Variants in PTPRR observed in about 807,000 individuals in gnomAD.
The protein encoded by PTPRR is protein tyrosine phosphatase receptor type R, also known as receptor-type tyrosine-protein phosphatase R.
Under a neutral mutation model 77.2 loss-of-function variants are expected in PTPRR, and 38 were observed. That is an observed-to-expected ratio of 0.49 (90% CI 0.38 to 0.65). The LOEUF (loss-of-function observed/expected upper bound fraction) is 0.65, where lower values mean the gene tolerates loss of function less well. Ranked by LOEUF, PTPRR falls within the 30% of genes least tolerant of loss-of-function variation. The pLI is 0.00. For synonymous variants in PTPRR, 299 were observed against 283.1 expected (o/e 1.06, Z -0.57); for missense variants, 744 against 799.2 (o/e 0.93, Z 0.83).
intron 2 of PTPRR, among the ~76,000 whole-genome samples, chr12:70,869,434 CA>C (rs1892923119): frequency 6.6e-6 from 1 of 152,048 alleles, no homozygotes; most frequent in Admixed American, 6.6e-5. Flanking sequence ...CTGAGTTGCC[CA>C]AAGTGGGACA....
chr12:70,650,061 A>G (rs1158134758), intron 13 of PTPRR, among the ~76,000 whole-genome samples: 1 of 152,238 alleles, frequency 6.6e-6, no homozygotes, highest in East Asian at 1.9e-4. Flanking sequence ...CTTAAATAAA[A>G]TTAAAGGAGT....
intron 2 of PTPRR, among the ~76,000 whole-genome samples, chr12:70,885,534 AT>A (rs34620002): frequency 0.011 from 1,492 of 136,992 alleles, 13 homozygotes; most frequent in Middle Eastern, 0.019. Context: ...ACAGTTAAGG[AT>A]TTTTTTTTTT....
chr12:70,740,708 G>C (rs183350436), intron 6 of PTPRR, among the ~76,000 whole-genome samples: 1 of 152,032 alleles, frequency 6.6e-6, no homozygotes, highest in Admixed American at 6.6e-5. Flanking sequence ...CCCAATCAGG[G>C]ATGAGAAATT....
At position 70,744,535 on chromosome 12, in the gene PTPRR, A is replaced by C. The variant is rs115970120; in HGVS notation, c.1007+1283T>G. Among the ~76,000 whole-genome samples the C allele has an allele frequency of 2.2e-3, 328 of 152,306 alleles. 1 individual carries two copies. The highest frequency in any genetic ancestry group is 7.6e-3 in the African/African-American group (316 of 41,582). Reference sequence around the variant, plus strand: ...ACATTCCTTTATTTTTATGTCATCCATTGTTCCTTGGCAATACTTTCAAAT... The same window carrying C: ...ACATTCCTTTATTTTTATGTCATCCCTTGTTCCTTGGCAATACTTTCAAAT... On this transcript the variant is annotated intron_variant, in intron 6 of 13. Transcript: ENST00000283228.
chr12:70,783,669 G>A (rs921955053), intron 2 of PTPRR, among the ~76,000 whole-genome samples: 3 of 152,116 alleles, frequency 2.0e-5, no homozygotes, highest in South Asian at 2.1e-4. Context: ...TGGCGGCCCC[G>A]GACCCCAGGC....
At chr12:70,719,748 G>A (rs753703459) in intron 6 of PTPRR, among the ~76,000 whole-genome samples, 2 of 152,150 alleles carry the variant, frequency 1.3e-5, no homozygotes, top group Non-Finnish European at 2.9e-5. Flanking sequence ...CACAGTGACT[G>A]CGCGTCTTCT....
chr12:70,919,602 T>G (rs763344248), intron 1 of PTPRR, among the ~76,000 whole-genome samples: 4 of 151,862 alleles, frequency 2.6e-5, no homozygotes, highest in Admixed American at 6.6e-5. Context: ...CTGTTACTCT[T>G]GGTTACACCT....
intron 10 of PTPRR, among the ~76,000 whole-genome samples, chr12:70,665,980 A>T (rs369738794): frequency 6.6e-6 from 1 of 152,264 alleles, no homozygotes; most frequent in African/African-American, 2.4e-5. Flanking sequence ...AGGTTGTCTA[A>T]AATTATTATT....
chr12:70,666,215 C>A (rs1337242639), intron 10 of PTPRR, among the ~76,000 whole-genome samples: 3 of 152,106 alleles, frequency 2.0e-5, no homozygotes, highest in African/African-American at 7.2e-5. Flanking sequence ...CTAGAATTTT[C>A]CAAGAAAATA....
intron 8 of PTPRR, among the ~76,000 whole-genome samples, chr12:70,697,576 A>AT (rs1252673832): frequency 2.0e-5 from 3 of 151,026 alleles, no homozygotes; most frequent in Non-Finnish European, 3.0e-5. Context: ...ATGAAGTTCA[A>AT]TTTTTTTTTG....
intron 2 of PTPRR, among the ~76,000 whole-genome samples, chr12:70,860,522 C>G (rs1892734043): frequency 6.6e-6 from 1 of 152,064 alleles, no homozygotes; most frequent in Admixed American, 6.6e-5. Context: ...ATGAAATAAA[C>G]TTTTGCTAGG....
At chr12:70,740,005 A>G (rs1233328772) in intron 6 of PTPRR, among the ~76,000 whole-genome samples, 1 of 152,164 alleles carries the variant, frequency 6.6e-6, no homozygotes, top group African/African-American at 2.4e-5. Context: ...GCCCAACAAG[A>G]TGGTCTATGC....
chr12:70,762,918 G>A (rs1404054019), intron 3 of PTPRR, among the ~76,000 whole-genome samples: 1 of 152,086 alleles, frequency 6.6e-6, no homozygotes. Flanking sequence ...GATATGATAA[G>A]CATATTCCTT....
chr12:70,828,281 C>A (rs1830691692), intron 2 of PTPRR, among the ~76,000 whole-genome samples: 2 of 152,194 alleles, frequency 1.3e-5, no homozygotes, highest in Non-Finnish European at 2.9e-5. Flanking sequence ...GCCCTTTGAT[C>A]TGCTCCTTTG....
chr12:70,835,525 C>T (rs888380197), intron 2 of PTPRR, among the ~76,000 whole-genome samples: 1 of 152,004 alleles, frequency 6.6e-6, no homozygotes, highest in African/African-American at 2.4e-5. Flanking sequence ...TCAATATCAT[C>T]ATGAGATATT....
chr12:70,779,541 C>T (rs1458009422), intron 2 of PTPRR, among the ~76,000 whole-genome samples: 1 of 152,196 alleles, frequency 6.6e-6, no homozygotes, highest in Non-Finnish European at 1.5e-5. Flanking sequence ...TTCTTTTCCT[C>T]ATAGCATTTA....
At chr12:70,773,721 G>T (rs1891031382) in intron 2 of PTPRR, among the ~76,000 whole-genome samples, 1 of 152,130 alleles carries the variant, frequency 6.6e-6, no homozygotes, top group South Asian at 2.1e-4. Context: ...GAAGAAAGTG[G>T]CTTCTCTCTT....
chr12:70,795,988 A>ATC (rs1891506582), intron 2 of PTPRR, among the ~76,000 whole-genome samples: 2 of 119,090 alleles, frequency 1.7e-5, no homozygotes, highest in Non-Finnish European at 3.2e-5. Flanking sequence ...CAGTGGTGCG[A>ATC]TCTCGGTTCA....
At chr12:70,718,050 A>G (rs1889098874) in intron 6 of PTPRR, among the ~76,000 whole-genome samples, 2 of 152,216 alleles carry the variant, frequency 1.3e-5, no homozygotes, top group South Asian at 4.1e-4. Context: ...AATACTATAC[A>G]GCCATGGTAT....
Sources: gnomAD v4.1 joint callset for allele counts (sites outside exome capture counted in the v4.1 genomes callset) on GRCh38, gnomAD v4.1.1 for gene constraint, MANE v1.5 for transcripts, NCBI Gene and HGNC (gene_info 2026-07-23, HGNC 2026-07-21) for gene names.